The following CNTNAP4 variants were observed in gnomAD, a reference collection of about 807,000 sequenced individuals.
The protein encoded by CNTNAP4 is contactin-associated protein-like 4.
CNTNAP4 carries 98 observed loss-of-function variants against 148.4 expected under a neutral mutation model. The ratio of observed to expected loss-of-function variants is 0.66; its 90% CI spans 0.56 to 0.78. The LOEUF is 0.78. CNTNAP4 is among the 30% of genes least tolerant of loss of function. The pLI is 0.00. For missense variants in CNTNAP4, 1,935 were observed against 1,565.6 expected, an observed-to-expected ratio of 1.24 and a Z score of -3.98; for synonymous variants, 730 against 565.1, an observed-to-expected ratio of 1.29 and a Z score of -4.14.
Position 76,461,583 on chromosome 16 carries a change from G to A in CNTNAP4, c.1334-373G>A, listed in dbSNP as rs540332123. On this transcript the variant is annotated intron_variant, in intron 8 of 23. Transcript: ENST00000611870. ...TACTCTATTATCCTACCATAAAAAGGTGGTTATAAAACAGTGCAAAGTAGC... is the reference window on the plus strand; with the variant it reads ...TACTCTATTATCCTACCATAAAAAGATGGTTATAAAACAGTGCAAAGTAGC... Among the ~76,000 whole-genome samples, 14 of 152,254 alleles carry A rather than the reference G, an allele frequency of 9.2e-5. No individual in the cohort carries two copies. The East Asian group carries it at 2.5e-3, about 27-fold the overall frequency.
intron 22 of CNTNAP4, 28 bp from the exon 23 acceptor site, chr16:76,553,807 CT>C: frequency 1.3e-6 from 2 of 1,487,696 alleles, no homozygotes; most frequent in Non-Finnish European, 1.9e-6. Context: ...CCTATATCAC[CT>C]TCCCCCTTTG....
At chr16:76,306,894 C>CATCA (rs1960533400) in intron 1 of CNTNAP4, among the ~76,000 whole-genome samples, 1 of 152,142 alleles carries the variant, frequency 6.6e-6, no homozygotes, top group Non-Finnish European at 1.5e-5. Flanking sequence ...ACTTTATAGG[C>CATCA]AGAGGTACAT....
At chr16:76,487,030 G>A (rs1265806269) in intron 12 of CNTNAP4, among the ~76,000 whole-genome samples, 1 of 152,166 alleles carries the variant, frequency 6.6e-6, no homozygotes, top group African/African-American at 2.4e-5. Flanking sequence ...TAAACAGATA[G>A]ATATTATCTG....
chr16:76,319,064 AG>A (rs1276588036), intron 2 of CNTNAP4, among the ~76,000 whole-genome samples: 1 of 151,982 alleles, frequency 6.6e-6, no homozygotes, highest in African/African-American at 2.4e-5. Flanking sequence ...GAAAATGAGT[AG>A]GGCCCTAGTA....
intron 4 of CNTNAP4, among the ~76,000 whole-genome samples, chr16:76,432,119 A>T (rs562036975): frequency 1.3e-5 from 2 of 152,168 alleles, no homozygotes; most frequent in South Asian, 2.1e-4. Context: ...AAAAATGGGA[A>T]TGCATTTCCG....
intron 15 of CNTNAP4, among the ~76,000 whole-genome samples, chr16:76,519,082 T>A (rs181230029): frequency 4.3e-4 from 66 of 152,318 alleles, no homozygotes; most frequent in Admixed American, 3.1e-3. Flanking sequence ...GGATACCACA[T>A]GCCATTAACA....
intron 2 of CNTNAP4, among the ~76,000 whole-genome samples, chr16:76,330,231 A>G (rs1425046101): frequency 6.6e-6 from 1 of 151,598 alleles, no homozygotes; most frequent in African/African-American, 2.4e-5. Flanking sequence ...ATCTCCTTTT[A>G]TTTCTCCCTT....
intron 1 of CNTNAP4, among the ~76,000 whole-genome samples, chr16:76,305,566 T>A (rs1031544856): frequency 6.6e-6 from 1 of 152,200 alleles, no homozygotes; most frequent in African/African-American, 2.4e-5. Context: ...ATTTAGCTAT[T>A]ACTGAGAACT....
intron 3 of CNTNAP4, among the ~76,000 whole-genome samples, chr16:76,419,918 G>A (rs970388063): frequency 5.9e-5 from 9 of 151,894 alleles, no homozygotes; most frequent in South Asian, 4.2e-4. Context: ...CCTCATGAAG[G>A]CCCCACCTCA....
intron 3 of CNTNAP4, among the ~76,000 whole-genome samples, chr16:76,419,783 C>T (rs1013853118): frequency 1.3e-5 from 2 of 152,022 alleles, no homozygotes; most frequent in African/African-American, 4.8e-5. Flanking sequence ...CAAGGTGCTA[C>T]CCAATTCACT....
chr16:76,323,341 T>TA lies in CNTNAP4; in HGVS notation c.196+6826dup, dbSNP rs554876198. ...CAGTCTGGATTTAGTTTGTGAAGTT[T>TA]AAAAAAAACTTACTAAAACATTAAC... On this transcript the variant is annotated intron_variant, in intron 2 of 23. Coordinates refer to ENST00000611870, the MANE Select transcript of CNTNAP4 (RefSeq NM_033401.5). Among the ~76,000 whole-genome samples, 10 of 151,924 alleles carry TA rather than the reference T, an allele frequency of 6.6e-5. No homozygotes were observed. In the East Asian group the frequency reaches 1.7e-3, roughly 26 times the overall value.
In CNTNAP4 at chr16:76,476,005, CTG is replaced by C; in HGVS notation, c.1724_1725del (p.Cys575TyrfsTer12). The C allele has an allele frequency of 6.2e-7, 1 of 1,613,880 alleles. No individual in the cohort carries two copies. The highest frequency in any genetic ancestry group is 8.5e-7 in the Non-Finnish European group (1 of 1,179,782). Reference sequence around the variant, plus strand: ...AGTCCTGGAGCACCTTTCATTGTAACTGTACCAACACTGGTTACAGAGGAGCT... The same window carrying C: ...AGTCCTGGAGCACCTTTCATTGTAACTACCAACACTGGTTACAGAGGAGCT... ...SQSWSTFHCNCTNTGYRGATC... is the reference protein window; with the variant it reads ...SQSWSTFHCNXTNTGYRGATC... On this transcript the variant is annotated frameshift_variant, in exon 11 of 24. Coordinates refer to ENST00000611870, the MANE Select transcript of CNTNAP4 (RefSeq NM_033401.5). LOFTEE classifies it high-confidence loss of function.
At chr16:76,500,161 G>A (rs1396790727) in intron 15 of CNTNAP4, among the ~76,000 whole-genome samples, 3 of 151,894 alleles carry the variant, frequency 2.0e-5, no homozygotes, top group African/African-American at 4.8e-5. Flanking sequence ...CCACCTCCCA[G>A]ACGGGGTGGC....
At chr16:76,447,341 T>A (rs1482759272) in intron 4 of CNTNAP4, among the ~76,000 whole-genome samples, 1 of 110,492 alleles carries the variant, frequency 9.1e-6, no homozygotes, top group Non-Finnish European at 2.1e-5. Context: ...AAATTATGTA[T>A]ATATATATAT....
At chr16:76,358,656 C>T (rs1381168518) in intron 3 of CNTNAP4, among the ~76,000 whole-genome samples, 1 of 152,100 alleles carries the variant, frequency 6.6e-6, no homozygotes, top group Non-Finnish European at 1.5e-5. Flanking sequence ...GATTACTGGT[C>T]ACATTGGACT....
At chr16:76,418,854 C>A (rs1480171758) in intron 3 of CNTNAP4, among the ~76,000 whole-genome samples, 1 of 151,952 alleles carries the variant, frequency 6.6e-6, no homozygotes, top group Middle Eastern at 3.4e-3. Context: ...ATTACTCTGG[C>A]TAAGAAATGG....
chr16:76,525,973 G>A lies in CNTNAP4; in HGVS notation c.2755+3716G>A, dbSNP rs896149351. Among the ~76,000 whole-genome samples the A allele has an allele frequency of 4.6e-5, 7 of 151,068 alleles. No individual in the cohort carries two copies. In the South Asian group the frequency reaches 1.0e-3, roughly 22 times the overall value. The stretch of plus-strand genomic sequence containing the variant: ...TATATATCATCATATGTATGTATCC[G>A]TACATGTATGCATGCATGTGTGTGC... On this transcript the variant is annotated intron_variant, in intron 17 of 23. Transcript: ENST00000611870.
At chr16:76,312,529 G>T (rs1961239987) in intron 1 of CNTNAP4, among the ~76,000 whole-genome samples, 1 of 152,070 alleles carries the variant, frequency 6.6e-6, no homozygotes, top group African/African-American at 2.4e-5. Context: ...TACTGTTTGA[G>T]GTTCTCTTCC....
chr16:76,471,772 T>C (rs986018780), intron 10 of CNTNAP4, among the ~76,000 whole-genome samples: 1 of 152,144 alleles, frequency 6.6e-6, no homozygotes, highest in Non-Finnish European at 1.5e-5. Flanking sequence ...GGCATGGCCC[T>C]TTTGGAGGCG....
Sources: gnomAD v4.1 joint callset for allele counts (sites outside exome capture counted in the v4.1 genomes callset) on GRCh38, gnomAD v4.1.1 for gene constraint, MANE v1.5 for transcripts, NCBI Gene and HGNC (gene_info 2026-07-23, HGNC 2026-07-21) for gene names.